IL2RA: variants seen among roughly 807,000 people sequenced by gnomAD.
IL2RA encodes the protein interleukin-2 receptor subunit alpha.
A neutral mutation model predicts 37.8 loss-of-function variants in IL2RA; 24 were observed. The ratio of observed to expected loss-of-function variants is 0.63; its 90% CI spans 0.46 to 0.89. The LOEUF (loss-of-function observed/expected upper bound fraction) is 0.89, where lower values mean the gene tolerates loss of function less well. Ranked by LOEUF, IL2RA falls within the 40% of genes least tolerant of loss-of-function variation. The pLI is 0.00. For missense variants in IL2RA, 319 were observed against 348.6 expected, an observed-to-expected ratio of 0.92 and a Z score of 0.68; for synonymous variants, 125 against 114.6, an observed-to-expected ratio of 1.09 and a Z score of -0.58.
chr10:6,019,724 G>T, intron 5 of IL2RA, 146 bp downstream of exon 5: 1 of 849,242 alleles, frequency 1.2e-6, no homozygotes. Context: ...GGTTGCTGAG[G>T]CCCTGTCCCT....
rs12722503 is a variant in IL2RA at position 6,049,680 on chromosome 10, C to A, written c.64+12408G>T. Among the ~76,000 whole-genome samples, 17 of 152,260 alleles carry A rather than the reference C, an allele frequency of 1.1e-4. No homozygotes were observed. The South Asian group carries it at 3.1e-3, about 28-fold the overall frequency. ...CAGACTTTGCTCCCTTTTCTTTACA[C>A]GGCACTCACCCTACTGTATCCATCT... On this transcript the variant is annotated intron_variant, in intron 1 of 7. Transcript: ENST00000379959.
rs1313126377 is a variant in IL2RA, at chr10:6,025,656, T to G, written c.256+178A>C. 2.7e-5 allele frequency among the ~76,000 whole-genome samples: 4 copies of G among 147,230 alleles called. No individual in the cohort carries two copies. In the South Asian group the frequency reaches 8.5e-4, roughly 31 times the overall value. On this transcript the variant is annotated intron_variant, in intron 2 of 7. Transcript: ENST00000379959. The surrounding 1 kb of genome is among the most constrained non-coding windows in gnomAD (Gnocchi z 4.4). ...CTAGGCAACAGAGTGAGAGTCTGTC[T>G]CCAAAAAAAAAAAAAATTGTGTTTA... is the stretch of plus-strand genomic sequence containing the variant.
Position 6,029,133 on chromosome 10 carries a change from TTTATTTA to T in IL2RA, c.65-3115_65-3109del, listed in dbSNP as rs1564545105. Reference sequence around the variant, plus strand: ...TGCAGATTTGCTGCCATTTATTTTATTTATTTATTTATTTATTTATTTATTTATTTAT... The same window carrying T: ...TGCAGATTTGCTGCCATTTATTTTATTTTATTTATTTATTTATTTATTTAT... On this transcript the variant is annotated intron_variant, in intron 1 of 7. Transcript: ENST00000379959. This position sits in a 1 kb window ranked among gnomAD's most constrained non-coding sequence, Gnocchi z 4.6. Among the ~76,000 whole-genome samples the T allele has an allele frequency of 1.8e-3, 4 of 2,276 alleles. No homozygotes were observed. Among genetic ancestry groups the T allele is most frequent in the Middle Eastern group, 0.1 (1 of 10 alleles). 1.5% of individuals were successfully genotyped at this position (2,276 alleles called of 152,430 possible). A position where few individuals can be genotyped will look rare whatever the true frequency, so the allele number is the denominator to read the frequency against.
At position 6,014,834 on chromosome 10, in the gene IL2RA, T is replaced by C. The variant is rs976324586; in HGVS notation, c.795-1938A>G. On this transcript the variant is annotated intron_variant, in intron 7 of 7. Transcript: ENST00000379959. The surrounding 1 kb of genome is among the most constrained non-coding windows in gnomAD (Gnocchi z 4.4). Reference sequence around the variant, plus strand: ...AGTAATTTATACTTTTTAATTCCCATGAGGAAAATTAGGAGTATGTTATGG... The same window carrying C: ...AGTAATTTATACTTTTTAATTCCCACGAGGAAAATTAGGAGTATGTTATGG... Among the ~76,000 whole-genome samples the C allele has an allele frequency of 6.6e-6, 1 of 152,166 alleles. No individual in the cohort carries two copies. Among genetic ancestry groups the C allele is most frequent in the African/African-American group, 2.4e-5 (1 of 41,434 alleles).
At chr10:6,042,148 C>CATAAAAAAAAAAAAAA (rs1839781602) in intron 1 of IL2RA, among the ~76,000 whole-genome samples, 1 of 54,132 alleles carries the variant, frequency 1.8e-5, no homozygotes, top group Non-Finnish European at 3.1e-5. Context: ...ATGTATTAAG[C>CATAAAAAAAAAAAAAA]AAAAAAAAAA....
At chr10:6,023,708 G>T (rs1252181794) in intron 3 of IL2RA, among the ~76,000 whole-genome samples, 1 of 152,220 alleles carries the variant, frequency 6.6e-6, no homozygotes, top group East Asian at 1.9e-4. Context: ...GACAGCCACA[G>T]TGCCCACTCA....
At position 6,026,009 on chromosome 10, in the gene IL2RA, G is replaced by A. The variant is rs914624927; in HGVS notation, c.81C>T (p.Asp27=). ...PGCQAELCDD[D]PPEIPHATFK... ...ATGTGGCGTGTGGGATCTCTGGCGGGTCATCGTCACAGAGCTCTGCAAAGC... is the reference window on the plus strand; with the variant it reads ...ATGTGGCGTGTGGGATCTCTGGCGGATCATCGTCACAGAGCTCTGCAAAGC... The change falls in exon 2 of 8, where the codon GAC becomes GAT. Residue 27 remains aspartate, a synonymous_variant. Coordinates refer to ENST00000379959, the MANE Select transcript of IL2RA (RefSeq NM_000417.3). 4.3e-6 allele frequency: 7 copies of A among 1,613,062 alleles called. No individual in the cohort carries two copies. The highest frequency in any genetic ancestry group is 1.3e-5 in the African/African-American group (1 of 74,886).
At chr10:6,027,386 G>A (rs1170449793) in intron 1 of IL2RA, among the ~76,000 whole-genome samples, 2 of 151,762 alleles carry the variant, frequency 1.3e-5, no homozygotes, top group Non-Finnish European at 2.9e-5. Context: ...ACCAACAAGG[G>A]ACTAAGCAAA....
intron 1 of IL2RA, among the ~76,000 whole-genome samples, chr10:6,053,286 C>T (rs1195107735): frequency 6.6e-6 from 1 of 152,166 alleles, no homozygotes; most frequent in Non-Finnish European, 1.5e-5. Flanking sequence ...GCCCATTTAA[C>T]CACAGTTCAC....
Position 6,033,219 on chromosome 10 carries a change from A to T in IL2RA, c.65-7194T>A, listed in dbSNP as rs1749989848. Among the ~76,000 whole-genome samples the T allele has an allele frequency of 6.6e-6, 1 of 152,166 alleles. No individual in the cohort carries two copies. Among genetic ancestry groups the T allele is most frequent in the South Asian group, 2.1e-4 (1 of 4,826 alleles). Reference sequence around the variant, plus strand: ...TGGCGAAACCCTTTCTCTACTAAGGAGGCAGAGGTTGCAGTGAGCTGAGAT... The same window carrying T: ...TGGCGAAACCCTTTCTCTACTAAGGTGGCAGAGGTTGCAGTGAGCTGAGAT... On this transcript the variant is annotated intron_variant, in intron 1 of 7. Coordinates refer to ENST00000379959, the MANE Select transcript of IL2RA (RefSeq NM_000417.3). This position sits in a 1 kb window ranked among gnomAD's most constrained non-coding sequence, Gnocchi z 4.3.
intron 1 of IL2RA, among the ~76,000 whole-genome samples, chr10:6,040,690 G>T (rs1839757824): frequency 6.6e-6 from 1 of 152,054 alleles, no homozygotes; most frequent in African/African-American, 2.4e-5. Flanking sequence ...GGACTTAATG[G>T]CATCTTTGGG....
rs1351988394 is a variant in IL2RA, at chr10:6,012,373, CA to C, written c.*498del. The C allele has an allele frequency of 4.3e-5, 7 of 161,564 alleles. No individual in the cohort carries two copies. In the East Asian group the frequency reaches 1.0e-3, roughly 24 times the overall value. 10.0% of individuals were successfully genotyped at this position (161,564 alleles called of 1,614,324 possible). ...TAGGCAACGTGAACGGGAGAATCAGCAGTCAGAAGCGGCTGAGAAAGGAACC... is the reference window on the plus strand; with the variant it reads ...TAGGCAACGTGAACGGGAGAATCAGCGTCAGAAGCGGCTGAGAAAGGAACC... On this transcript the variant is annotated 3_prime_UTR_variant, in exon 8 of 8. Coordinates refer to ENST00000379959, the MANE Select transcript of IL2RA (RefSeq NM_000417.3). This position sits in a 1 kb window ranked among gnomAD's most constrained non-coding sequence, Gnocchi z 4.8.
chr10:6,026,265 A>G (rs1433380975), intron 1 of IL2RA, among the ~76,000 whole-genome samples: 2 of 152,240 alleles, frequency 1.3e-5, no homozygotes, highest in African/African-American at 2.4e-5. Flanking sequence ...ATTTCAAACT[A>G]GATGAGTAGA....
intron 1 of IL2RA, among the ~76,000 whole-genome samples, chr10:6,049,659 C>T (rs1294117819): frequency 1.3e-5 from 2 of 152,248 alleles, no homozygotes; most frequent in African/African-American, 4.8e-5. Context: ...CAGTCCCAGA[C>T]TTTGCTCCCT....
chr10:6,029,680 G>A lies in IL2RA; in HGVS notation c.65-3655C>T, dbSNP rs1315483726. 6.6e-6 allele frequency among the ~76,000 whole-genome samples: 1 copy of A among 152,002 alleles called. No homozygotes were observed. The highest frequency in any genetic ancestry group is 1.9e-4 in the East Asian group (1 of 5,186). Reference sequence around the variant, plus strand: ...AATGGTTATAATGAGTGAAACAACAGGATATCTCAGTAGATAAATGAAAAC... The same window carrying A: ...AATGGTTATAATGAGTGAAACAACAAGATATCTCAGTAGATAAATGAAAAC... On this transcript the variant is annotated intron_variant, in intron 1 of 7. Coordinates refer to ENST00000379959, the MANE Select transcript of IL2RA (RefSeq NM_000417.3). This position sits in a 1 kb window ranked among gnomAD's most constrained non-coding sequence, Gnocchi z 4.6.
intron 7 of IL2RA, among the ~76,000 whole-genome samples, chr10:6,016,145 G>A (rs901332525): frequency 6.1e-5 from 9 of 147,726 alleles, no homozygotes; most frequent in East Asian, 1.9e-4. Context: ...ATCAGGTCGC[G>A]AGGGCTCTGC....
In IL2RA at chr10:6,044,337, T is replaced by C. The variant is rs936942131; in HGVS notation, c.64+17751A>G. Among the ~76,000 whole-genome samples the C allele has an allele frequency of 6.6e-6, 1 of 152,258 alleles. No homozygotes were observed. Among genetic ancestry groups the C allele is most frequent in the African/African-American group, 2.4e-5 (1 of 41,470 alleles). The stretch of plus-strand genomic sequence containing the variant: ...GGCTGTGCTACAGCTCCGTGACTGC[T>C]TCTGTAGAGCAGGGCGACCACATAG... On this transcript the variant is annotated intron_variant, in intron 1 of 7. Coordinates refer to ENST00000379959, the MANE Select transcript of IL2RA (RefSeq NM_000417.3). The surrounding 1 kb of genome is among the most constrained non-coding windows in gnomAD (Gnocchi z 4.5).
In IL2RA at chr10:6,057,598, C is replaced by T. The variant is rs773417022; in HGVS notation, c.64+4490G>A. Among the ~76,000 whole-genome samples the T allele has an allele frequency of 3.3e-5, 5 of 152,178 alleles. No homozygotes were observed. The highest frequency in any genetic ancestry group is 7.3e-5 in the Non-Finnish European group (5 of 68,040). On this transcript the variant is annotated intron_variant, in intron 1 of 7. Transcript: ENST00000379959. This position sits in a 1 kb window ranked among gnomAD's most constrained non-coding sequence, Gnocchi z 4.8. ...TCACGCCCTCCCCGTGTCCTCTCCT[C>T]AGTGCTTTGGCCCACTTTCTGCTTC...
At chr10:6,061,348 T>C (rs1840119425) in intron 1 of IL2RA, among the ~76,000 whole-genome samples, 1 of 151,834 alleles carries the variant, frequency 6.6e-6, no homozygotes, top group South Asian at 2.1e-4. Flanking sequence ...ATCGCGCCAC[T>C]GCACTCCAGT....
Sources: allele counts gnomAD v4.1 joint callset (sites outside exome capture counted in the v4.1 genomes callset), GRCh38; gene constraint gnomAD v4.1.1; non-coding constraint Gnocchi (gnomAD v3.1); transcripts MANE v1.5; gene names NCBI Gene and HGNC (gene_info 2026-07-23, HGNC 2026-07-21).